LIPC: variants seen among roughly 807,000 people sequenced by gnomAD.
LIPC encodes the protein hepatic triacylglycerol lipase.
LIPC carries 44 observed loss-of-function variants against 50.7 expected under a neutral mutation model. The ratio of observed to expected loss-of-function variants is 0.87; its 90% confidence interval spans 0.68 to 1.11. The LOEUF is 1.11. LIPC is among the 50% of genes most tolerant of loss of function. The pLI, the probability that LIPC is intolerant of heterozygous loss-of-function variation, is 0.00. For missense variants in LIPC, 697 were observed against 648.2 expected, an observed-to-expected ratio of 1.08 and a Z score of -0.82; for synonymous variants, 271 against 256.4, an observed-to-expected ratio of 1.06 and a Z score of -0.54.
At chr15:58,490,985 A>G (rs945914194) in intron 1 of LIPC, among the ~76,000 whole-genome samples, 12 of 152,224 alleles carry the variant, frequency 7.9e-5, no homozygotes, top group African/African-American at 2.7e-4. Context: ...GAAGGAATGG[A>G]GTTCACAGGG....
At chr15:58,524,177 A>G (rs1200910251) in intron 1 of LIPC, among the ~76,000 whole-genome samples, 2 of 151,908 alleles carry the variant, frequency 1.3e-5, no homozygotes, top group Admixed American at 6.6e-5. Flanking sequence ...TTATGCCCCC[A>G]CCCTTCCACA....
intron 1 of LIPC, among the ~76,000 whole-genome samples, chr15:58,472,916 C>A (rs553256577): frequency 6.6e-6 from 1 of 152,142 alleles, no homozygotes; most frequent in Non-Finnish European, 1.5e-5. Flanking sequence ...TGTCTGACTA[C>A]GGCTGTTACT....
At chr15:58,552,202 C>T (rs181688087) in intron 6 of LIPC, among the ~76,000 whole-genome samples, 1 of 152,300 alleles carries the variant, frequency 6.6e-6, no homozygotes, top group East Asian at 1.9e-4. Flanking sequence ...GCACTCTGCC[C>T]GGGCACTGGG....
chr15:58,506,932 G>A (rs1366082992), intron 1 of LIPC, among the ~76,000 whole-genome samples: 1 of 152,226 alleles, frequency 6.6e-6, no homozygotes, highest in Admixed American at 6.5e-5. Context: ...TGCAGAGGAG[G>A]AAGCAAACAC....
intron 1 of LIPC, among the ~76,000 whole-genome samples, chr15:58,476,642 T>C (rs1214673200): frequency 6.6e-6 from 1 of 152,218 alleles, no homozygotes; most frequent in African/African-American, 2.4e-5. Flanking sequence ...GACAGTGGCA[T>C]GGTGCCACAG....
intron 1 of LIPC, among the ~76,000 whole-genome samples, chr15:58,442,336 T>C (rs988024041): frequency 2.6e-5 from 4 of 152,198 alleles, no homozygotes; most frequent in African/African-American, 9.6e-5. Flanking sequence ...TGAACCTTAA[T>C]TGACTCATTT....
At chr15:58,525,382 C>T (rs1346050962) in intron 1 of LIPC, among the ~76,000 whole-genome samples, 1 of 152,200 alleles carries the variant, frequency 6.6e-6, no homozygotes, top group African/African-American at 2.4e-5. Flanking sequence ...ACAAATCTTC[C>T]CCCATAGTCC....
intron 1 of LIPC, among the ~76,000 whole-genome samples, chr15:58,455,525 C>T (rs1409358644): frequency 6.6e-6 from 1 of 152,158 alleles, no homozygotes; most frequent in Non-Finnish European, 1.5e-5. Context: ...TTCCAGTGCT[C>T]AAAAACAATG....
chr15:58,523,756 GATAAATAA>G (rs1175228615), intron 1 of LIPC, among the ~76,000 whole-genome samples: 3 of 152,082 alleles, frequency 2.0e-5, no homozygotes, highest in African/African-American at 4.8e-5. Flanking sequence ...CTGTGTCTAT[GATAAATAA>G]ATAAATAAAT....
intron 1 of LIPC, among the ~76,000 whole-genome samples, chr15:58,492,166 T>C (rs1891609637): frequency 6.6e-6 from 1 of 152,150 alleles, no homozygotes; most frequent in African/African-American, 2.4e-5. Flanking sequence ...CCAGATGGCC[T>C]GTGGCCCACC....
chr15:58,533,186 A>T, intron 1 of LIPC: 1 of 985,008 alleles, frequency 1.0e-6, no homozygotes, highest in Non-Finnish European at 1.2e-6. Context: ...CAGTTTCAGA[A>T]GGTATGCTTG....
At position 58,486,025 on chromosome 15, in the gene LIPC, G is replaced by A. The variant is rs1182554347; in HGVS notation, c.89-52308G>A. Among the ~76,000 whole-genome samples the A allele has an allele frequency of 1.3e-5, 2 of 152,182 alleles. 1 individual carries two copies. The highest frequency in any genetic ancestry group is 2.9e-5 in the Non-Finnish European group (2 of 68,028). On this transcript the variant is annotated intron_variant, in intron 1 of 8. Coordinates refer to ENST00000299022, the MANE Select transcript of LIPC (RefSeq NM_000236.3). Reference sequence around the variant, plus strand: ...ATCCAGGGTCTCCCTGTTCTTCCTAGAAGTAGGTTCCAGTGAACAGAAAGC... The same window carrying A: ...ATCCAGGGTCTCCCTGTTCTTCCTAAAAGTAGGTTCCAGTGAACAGAAAGC...
chr15:58,517,257 GTGCCAGCT>G (rs1245733764), intron 1 of LIPC, among the ~76,000 whole-genome samples: 2 of 152,200 alleles, frequency 1.3e-5, no homozygotes, highest in Non-Finnish European at 2.9e-5. Context: ...TGTTGTTTTG[GTGCCAGCT>G]TGCACAGCAC....
At chr15:58,539,653 A>G (rs746162475) in intron 2 of LIPC, among the ~76,000 whole-genome samples, 1 of 151,944 alleles carries the variant, frequency 6.6e-6, no homozygotes, top group Non-Finnish European at 1.5e-5. Context: ...CATCTATCCT[A>G]TCCTGGAGAG....
intron 1 of LIPC, among the ~76,000 whole-genome samples, chr15:58,534,015 C>CTG (rs1239935906): frequency 6.6e-6 from 1 of 152,154 alleles, no homozygotes; most frequent in Non-Finnish European, 1.5e-5. Flanking sequence ...GAGCCTGAGT[C>CTG]CTCAGTATTT....
At chr15:58,507,107 T>C (rs1178642786) in intron 1 of LIPC, among the ~76,000 whole-genome samples, 1 of 152,026 alleles carries the variant, frequency 6.6e-6, no homozygotes, top group East Asian at 1.9e-4. Context: ...CCAGGACATG[T>C]GGGGATTATG....
At chr15:58,438,967 A>G (rs1037857633) in intron 1 of LIPC, among the ~76,000 whole-genome samples, 10 of 152,222 alleles carry the variant, frequency 6.6e-5, no homozygotes, top group African/African-American at 2.2e-4. Context: ...AATGCATGGA[A>G]TGCAAGCGGA....
At chr15:58,531,126 T>C (rs547118110) in intron 1 of LIPC, among the ~76,000 whole-genome samples, 4 of 152,190 alleles carry the variant, frequency 2.6e-5, no homozygotes, top group African/African-American at 9.6e-5. Context: ...CTATGAGGAG[T>C]TCTACCCGGT....
chr15:58,519,272 G>A (rs573994707), intron 1 of LIPC, among the ~76,000 whole-genome samples: 68 of 152,044 alleles, frequency 4.5e-4, no homozygotes, highest in African/African-American at 1.5e-3. Context: ...TTAGCCGAGC[G>A]TGGTGGCAGG....
Sources: allele counts gnomAD v4.1 joint callset (sites outside exome capture counted in the v4.1 genomes callset), GRCh38; gene constraint gnomAD v4.1.1; transcripts MANE v1.5; gene names NCBI Gene and HGNC (gene_info 2026-07-23, HGNC 2026-07-21).